TMEM231: variants seen among roughly 807,000 people sequenced by gnomAD.
TMEM231 encodes the protein transmembrane protein 231.
A neutral mutation model predicts 38.5 loss-of-function variants in TMEM231; 40 were observed. The observed-to-expected ratio is 1.04, with a 90% CI of 0.81 to 1.35. The LOEUF (loss-of-function observed/expected upper bound fraction) is 1.35. Ranked by LOEUF, TMEM231 falls within the 40% of genes most tolerant of loss-of-function variation. The probability of loss-of-function intolerance (pLI) is 0.00; values close to 1 mark genes in which losing one functional copy is unlikely to be tolerated. For synonymous variants in TMEM231, 199 were observed against 181.7 expected (o/e 1.10, Z -0.77); for missense variants, 420 against 416.9 (o/e 1.01, Z -0.07).
chr16:75,545,275 T>A (rs1001176142), intron 4 of TMEM231, 77 bp downstream of exon 4: 4 of 1,544,644 alleles, frequency 2.6e-6, no homozygotes, highest in Non-Finnish European at 3.5e-6. Context: ...TTTCTACTTT[T>A]CATTCCCCTC....
intron 4 of TMEM231, among the ~76,000 whole-genome samples, chr16:75,543,340 A>T (rs1268407422): frequency 6.6e-6 from 1 of 152,210 alleles, no homozygotes; most frequent in East Asian, 1.9e-4. Context: ...GCCCAGGCAG[A>T]TGGATCACTT....
chr16:75,542,230 T>G (rs1173713184), intron 5 of TMEM231, among the ~76,000 whole-genome samples: 1 of 151,972 alleles, frequency 6.6e-6, no homozygotes, highest in Non-Finnish European at 1.5e-5. Flanking sequence ...TTCTCTGTTT[T>G]TCTCTGAAAA....
At chr16:75,544,344 G>A (rs934600605) in intron 4 of TMEM231, among the ~76,000 whole-genome samples, 1 of 152,204 alleles carries the variant, frequency 6.6e-6, no homozygotes, top group African/African-American at 2.4e-5. Context: ...TGGGCTTGGG[G>A]ATATCTGAAC....
intron 6 of TMEM231, 65 bp downstream of exon 6, chr16:75,541,285 G>T: frequency 8.0e-7 from 1 of 1,255,544 alleles, no homozygotes; most frequent in Non-Finnish European, 1.1e-6. Flanking sequence ...CTCCCAAAGT[G>T]CTGAAATTAT....
At position 75,537,084 on chromosome 16, in the gene TMEM231, T is replaced by G. The variant is rs1476139366; in HGVS notation, c.*2910A>C. 1 of 141,804 alleles carries G rather than the reference T, an allele frequency of 7.1e-6. No individual in the cohort carries two copies. The allele number at this position is 141,804 out of a possible 1,614,324, so 8.8% of individuals were successfully genotyped here. A position where few individuals can be genotyped will look rare whatever the true frequency, so the allele number is the denominator to read the frequency against. ...CTGCAATGAGCTGAGATCATGCTGCTGCACTCCAGCCTGGGTAACAGAGTG... is the reference window on the plus strand; with the variant it reads ...CTGCAATGAGCTGAGATCATGCTGCGGCACTCCAGCCTGGGTAACAGAGTG... On this transcript the variant is annotated 3_prime_UTR_variant, in exon 7 of 7. Coordinates refer to ENST00000258173, the MANE Select transcript of TMEM231 (RefSeq NM_001077418.3).
At position 75,539,807 on chromosome 16, in the gene TMEM231, G is replaced by C; in HGVS notation, c.*187C>G. ...CAGACCTTTCCACAAACTAGTCCCTGACAATTCTGCAGGAGCTCTGAAGAT... is the reference window on the plus strand; with the variant it reads ...CAGACCTTTCCACAAACTAGTCCCTCACAATTCTGCAGGAGCTCTGAAGAT... On this transcript the variant is annotated 3_prime_UTR_variant, in exon 7 of 7. Transcript: ENST00000258173. 1 of 469,014 alleles carries C rather than the reference G, an allele frequency of 2.1e-6. No individual in the cohort carries two copies. 29.1% of individuals were successfully genotyped at this position (469,014 alleles called of 1,614,324 possible).
Position 75,537,365 on chromosome 16 carries a change from A to G in TMEM231, c.*2629T>C, listed in dbSNP as rs1161292206. 3 of 152,082 alleles carry G rather than the reference A, an allele frequency of 2.0e-5. No individual in the cohort carries two copies. The highest frequency in any genetic ancestry group is 7.2e-5 in the African/African-American group (3 of 41,442). 9.4% of individuals were successfully genotyped at this position (152,082 alleles called of 1,614,324 possible). A position where few individuals can be genotyped will look rare whatever the true frequency, so the allele number is the denominator to read the frequency against. On this transcript the variant is annotated 3_prime_UTR_variant, in exon 7 of 7. Coordinates refer to ENST00000258173, the MANE Select transcript of TMEM231 (RefSeq NM_001077418.3). ...TATTAGGGGGGCCTCATCTGACTTA[A>G]GCCGAAACTGTACTAATCATTTGGC...
chr16:75,556,086 C>T lies in TMEM231; in HGVS notation c.124G>A (p.Ala42Thr), dbSNP rs1197109885. The T allele has an allele frequency of 1.5e-5, 23 of 1,568,478 alleles. No homozygotes were observed. The highest frequency in any genetic ancestry group is 2.0e-5 in the Non-Finnish European group (23 of 1,157,934). ...GCAGGCTCACCGTGGCTCCGGAAGG[C>T]CACCAGCAGCGGCGGGATGTACGTG... ...ALTYIPPLLV[A>T]FRSHGFWLKR... is the part of the protein sequence containing the mutation. Residue 42 changes from alanine to threonine, a missense_variant, in exon 1 of 7, where the codon GCC becomes ACC. Transcript: ENST00000258173.
At chr16:75,544,327 G>A (rs1460703260) in intron 4 of TMEM231, among the ~76,000 whole-genome samples, 1 of 152,220 alleles carries the variant, frequency 6.6e-6, no homozygotes, top group East Asian at 1.9e-4. Flanking sequence ...GCAGGTCAGA[G>A]AAGGACTGGG....
At chr16:75,549,803 G>T (rs1380292848) in intron 2 of TMEM231, among the ~76,000 whole-genome samples, 1 of 152,078 alleles carries the variant, frequency 6.6e-6, no homozygotes, top group Non-Finnish European at 1.5e-5. Context: ...CCACCTCCCA[G>T]GTTCGAGTGA....
rs1026294432 is a variant in TMEM231 at position 75,537,382 on chromosome 16, T to C, written c.*2612A>G. 7 of 152,002 alleles carry C rather than the reference T, an allele frequency of 4.6e-5. No homozygotes were observed. Among genetic ancestry groups the C allele is most frequent in the African/African-American group, 1.7e-4 (7 of 41,396 alleles). The allele number at this position is 152,002 out of a possible 1,614,324, so 9.4% of individuals were successfully genotyped here. A position where few individuals can be genotyped will look rare whatever the true frequency, so the allele number is the denominator to read the frequency against. ...CTGACTTAAGCCGAAACTGTACTAATCATTTGGCAAAATCAGGAGTCTTTC... is the reference window on the plus strand; with the variant it reads ...CTGACTTAAGCCGAAACTGTACTAACCATTTGGCAAAATCAGGAGTCTTTC... On this transcript the variant is annotated 3_prime_UTR_variant, in exon 7 of 7. Transcript: ENST00000258173.
Position 75,540,168 on chromosome 16 carries a change from C to G in TMEM231, c.777G>C (p.Gln259His), listed in dbSNP as rs758048238. 81 of 1,612,014 alleles carry G rather than the reference C, an allele frequency of 5.0e-5. No individual in the cohort carries two copies. Among genetic ancestry groups the G allele is most frequent in the Non-Finnish European group, 6.7e-5 (79 of 1,179,046 alleles). ...ACTTTACCATCTCCCAGAATCCTGG[C>G]TGATAAGTATGGACAGTTAAGGAGT... ...IRYPVEVISY[Q>H]PGFWEMVKFA... The change falls in exon 7 of 7, where the codon CAG (glutamine) becomes CAC (histidine). Residue 259 changes from glutamine (Q) to histidine (H), a missense_variant. By Grantham distance (24) the Gln-to-His change is conservative. Transcript: ENST00000258173.
At chr16:75,544,764 G>A (rs113105132) in intron 4 of TMEM231, among the ~76,000 whole-genome samples, 1 of 152,060 alleles carries the variant, frequency 6.6e-6, no homozygotes, top group Non-Finnish European at 1.5e-5. Context: ...GTGCACCCAC[G>A]TGGACCTAAA....
chr16:75,544,720 C>G (rs1434668537), intron 4 of TMEM231, among the ~76,000 whole-genome samples: 1 of 152,144 alleles, frequency 6.6e-6, no homozygotes, highest in Non-Finnish European at 1.5e-5. Context: ...CTGCGTGTGA[C>G]CAAGCGTGTG....
At chr16:75,549,921 C>G (rs1216260772) in intron 2 of TMEM231, among the ~76,000 whole-genome samples, 7 of 152,146 alleles carry the variant, frequency 4.6e-5, no homozygotes, top group African/African-American at 1.7e-4. Flanking sequence ...GTTGGCCAGG[C>G]TATTCTCAAA....
In TMEM231 at chr16:75,545,349, T is replaced by G; in HGVS notation, c.582+3A>C. ...GGAGCTGGACAATGAGAAGCGCTCT[T>G]ACGTTGTATCGGGCATCTAGGCCAC... On this transcript the variant is annotated splice_donor_region_variant and intron_variant, in intron 4 of 6. Coordinates refer to ENST00000258173, the MANE Select transcript of TMEM231 (RefSeq NM_001077418.3). 6.2e-7 allele frequency: 1 copy of G among 1,612,606 alleles called. No individual in the cohort carries two copies.
intron 2 of TMEM231, among the ~76,000 whole-genome samples, chr16:75,554,176 T>C (rs969446998): frequency 6.6e-6 from 1 of 152,226 alleles, no homozygotes; most frequent in African/African-American, 2.4e-5. Context: ...TAGTTTTCTA[T>C]GTACTTATAC....
chr16:75,552,676 T>G (rs1442359511), intron 2 of TMEM231, among the ~76,000 whole-genome samples: 1 of 152,180 alleles, frequency 6.6e-6, no homozygotes, highest in Non-Finnish European at 1.5e-5. Context: ...TTAATTGCAT[T>G]TTTATTTTTC....
Position 75,539,890 on chromosome 16 carries a change from A to G in TMEM231, c.*104T>C. 5 of 981,626 alleles carry G rather than the reference A, an allele frequency of 5.1e-6. No homozygotes were observed. The highest frequency in any genetic ancestry group is 3.0e-5 in the Admixed American group (1 of 33,408). 60.8% of individuals were successfully genotyped at this position (981,626 alleles called of 1,614,324 possible). ...CGTTGTCTCTGAGGGAAAAGCACACAAGCCCGCAGGTGTCCGCTGGGCTCT... is the reference window on the plus strand; with the variant it reads ...CGTTGTCTCTGAGGGAAAAGCACACGAGCCCGCAGGTGTCCGCTGGGCTCT... On this transcript the variant is annotated 3_prime_UTR_variant, in exon 7 of 7. Coordinates refer to ENST00000258173, the MANE Select transcript of TMEM231 (RefSeq NM_001077418.3).
Sources: allele counts gnomAD v4.1 joint callset (sites outside exome capture counted in the v4.1 genomes callset), GRCh38; gene constraint gnomAD v4.1.1; transcripts MANE v1.5; gene names NCBI Gene and HGNC (gene_info 2026-07-23, HGNC 2026-07-21).